Variants in NEDD1 observed in about 807,000 individuals in gnomAD.
NEDD1 encodes the protein NEDD1 gamma-tubulin ring complex targeting factor, also known as protein NEDD1.
A neutral mutation model predicts 74.0 loss-of-function variants in NEDD1; 33 were observed. That is an observed-to-expected ratio of 0.45 (90% CI 0.34 to 0.60). The LOEUF (loss-of-function observed/expected upper bound fraction) is 0.60. Among genes scored for constraint, NEDD1 ranks in the 20% least tolerant of loss-of-function variants. The pLI is 0.01. For synonymous variants in NEDD1, 250 were observed against 264.4 expected (o/e 0.95, Z 0.53); for missense variants, 746 against 776.5 (o/e 0.96, Z 0.47).
At chr12:96,921,003 A>C (rs1025302928) in intron 6 of NEDD1, among the ~76,000 whole-genome samples, 1 of 152,208 alleles carries the variant, frequency 6.6e-6, no homozygotes, top group Non-Finnish European at 1.5e-5. Flanking sequence ...AAACAGTCTT[A>C]TGGTGATTCA....
chr12:96,938,777 A>G (rs1190929072), intron 9 of NEDD1, among the ~76,000 whole-genome samples: 1 of 151,570 alleles, frequency 6.6e-6, no homozygotes, highest in Non-Finnish European at 1.5e-5. Context: ...ATTTTGCCAC[A>G]TTTGCTTCAT....
chr12:96,922,154 T>C (rs1875169951), intron 6 of NEDD1, among the ~76,000 whole-genome samples: 1 of 152,210 alleles, frequency 6.6e-6, no homozygotes, highest in Non-Finnish European at 1.5e-5. Context: ...ACATTAAAAA[T>C]AGCCTTTAGA....
In NEDD1 at chr12:96,932,463, A is replaced by AAAAAAAAT; in HGVS notation, c.490-2512_490-2511insAAAAAATA. ...CTCTTAAAAAAAAAAAAAAAAAAAA[A>AAAAAAAAT]ATATATATATATATATATATATATA... On this transcript the variant is annotated intron_variant, in intron 6 of 15. Transcript: ENST00000266742. Among the ~76,000 whole-genome samples the AAAAAAAAT allele has an allele frequency of 3.0e-3, 28 of 9,432 alleles. 2 individuals are homozygous for AAAAAAAAT. The highest frequency in any genetic ancestry group is 8.8e-3 in the African/African-American group (26 of 2,964). The allele number at this position is 9,432 out of a possible 152,430, so 6.2% of individuals were successfully genotyped here.
At chr12:96,929,989 A>C (rs1214507124) in intron 6 of NEDD1, among the ~76,000 whole-genome samples, 1 of 151,746 alleles carries the variant, frequency 6.6e-6, no homozygotes, top group South Asian at 2.1e-4. Flanking sequence ...TATTCCTTCT[A>C]CTTCCTTCTG....
At chr12:96,930,057 G>A (rs1876211862) in intron 6 of NEDD1, among the ~76,000 whole-genome samples, 1 of 151,996 alleles carries the variant, frequency 6.6e-6, no homozygotes, top group Admixed American at 6.6e-5. Context: ...CTCTCAGCAT[G>A]TGTTTGGGGG....
At chr12:96,920,827 A>G (rs1471336856) in intron 6 of NEDD1, among the ~76,000 whole-genome samples, 2 of 152,148 alleles carry the variant, frequency 1.3e-5, no homozygotes, top group Non-Finnish European at 2.9e-5. Context: ...AATATGGGAG[A>G]TCTTCACTTT....
chr12:96,914,188 G>T (rs1049804270), intron 4 of NEDD1, among the ~76,000 whole-genome samples: 4 of 152,112 alleles, frequency 2.6e-5, no homozygotes, highest in African/African-American at 9.7e-5. Flanking sequence ...ACCATCTTTG[G>T]ATCTTTGTAT....
At chr12:96,950,519 CA>C (rs1166726856) in intron 14 of NEDD1, among the ~76,000 whole-genome samples, 10 of 151,974 alleles carry the variant, frequency 6.6e-5, no homozygotes, top group African/African-American at 2.4e-4. Flanking sequence ...TACACCAGTA[CA>C]AACTAATGAT....
At chr12:96,947,385 G>A (rs534802232) in intron 14 of NEDD1, among the ~76,000 whole-genome samples, 78 of 152,288 alleles carry the variant, frequency 5.1e-4, no homozygotes, top group African/African-American at 1.8e-3. Flanking sequence ...TTATACTGAT[G>A]TGTGTGGGAA....
chr12:96,913,764 T>C (rs562769086), intron 4 of NEDD1, among the ~76,000 whole-genome samples: 14 of 151,894 alleles, frequency 9.2e-5, no homozygotes, highest in African/African-American at 3.1e-4. Context: ...TATTTCTTTT[T>C]TAAATAAGAT....
chr12:96,943,515 A>G, intron 11 of NEDD1, 45 bp from the exon 12 acceptor site: 3 of 1,354,906 alleles, frequency 2.2e-6, no homozygotes, highest in Non-Finnish European at 3.1e-6. Context: ...TCAATGTCCA[A>G]AATTGGAGGA....
chr12:96,915,667 G>GA (rs1263222430), intron 4 of NEDD1, among the ~76,000 whole-genome samples: 1 of 152,038 alleles, frequency 6.6e-6, no homozygotes, highest in Non-Finnish European at 1.5e-5. Flanking sequence ...GGTTACTTAG[G>GA]AAAAAAATGC....
intron 6 of NEDD1, among the ~76,000 whole-genome samples, chr12:96,932,456 AAAAAAAAATATATATAT>A (rs1368412398): frequency 1.7e-5 from 1 of 58,708 alleles, no homozygotes; most frequent in Non-Finnish European, 3.3e-5. Context: ...AAAAAAAAAA[AAAAAAAAATATATATAT>A]ATATATATAT....
Position 96,912,704 on chromosome 12 carries a change from T to G in NEDD1, c.137-19T>G. The G allele has an allele frequency of 2.5e-6, 3 of 1,207,794 alleles. No individual in the cohort carries two copies. Among genetic ancestry groups the G allele is most frequent in the Non-Finnish European group, 3.7e-6 (3 of 812,862 alleles). 74.8% of individuals were successfully genotyped at this position (1,207,794 alleles called of 1,614,324 possible). On this transcript the variant is annotated intron_variant, in intron 3 of 15. Transcript: ENST00000266742. ...TAGATGTTCATGGATTGTTTGATGC[T>G]CCATAACTCCTCATTTAGATAACTT...
intron 1 of NEDD1, 115 bp downstream of exon 1, chr12:96,907,415 T>C (rs1450487793): frequency 1.9e-6 from 1 of 530,556 alleles, no homozygotes; most frequent in Non-Finnish European, 3.3e-6. Context: ...GTCCTTGGGC[T>C]TTGCGCGCCC....
rs1592921329 is a variant in NEDD1, at chr12:96,940,670, G to GAAA, written c.1246+133_1246+134insAAA. On this transcript the variant is annotated intron_variant, in intron 10 of 15. Coordinates refer to ENST00000266742, the MANE Select transcript of NEDD1 (RefSeq NM_152905.4). ...GCTAATTTTCTCCATCCCTGGGGTG[G>GAAA]TATCTTTTTCTTTGCCCTGATATTT... 4.5e-4 allele frequency: 232 copies of GAAA among 512,728 alleles called. 2 individuals are homozygous for GAAA. In the East Asian group the frequency reaches 7.4e-3, roughly 16 times the overall value. 31.8% of individuals were successfully genotyped at this position (512,728 alleles called of 1,614,324 possible).
rs1276297171 is a variant in NEDD1, at chr12:96,907,548, C to G, written c.-261-56C>G. ...TGTGCTGCCTCCGAAAAGTTTGCCTCGTCTCCACAAGTCTGTCTCCTTTTT... is the reference window on the plus strand; with the variant it reads ...TGTGCTGCCTCCGAAAAGTTTGCCTGGTCTCCACAAGTCTGTCTCCTTTTT... On this transcript the variant is annotated intron_variant, in intron 1 of 15. Transcript: ENST00000266742. The G allele has an allele frequency of 5.4e-6, 8 of 1,491,578 alleles. No individual in the cohort carries two copies. The Middle Eastern group carries it at 5.1e-4, about 95-fold the overall frequency. 92.4% of individuals were successfully genotyped at this position (1,491,578 alleles called of 1,614,324 possible).
At chr12:96,932,619 A>C (rs1486346710) in intron 6 of NEDD1, among the ~76,000 whole-genome samples, 1 of 149,222 alleles carries the variant, frequency 6.7e-6, no homozygotes, top group Non-Finnish European at 1.5e-5. Context: ...GATTTAACAG[A>C]TATAGAAAGT....
chr12:96,943,838 T>C, intron 12 of NEDD1, 76 bp downstream of exon 12: 1 of 802,436 alleles, frequency 1.2e-6, no homozygotes, highest in Non-Finnish European at 2.1e-6. Flanking sequence ...AGTGCATGTA[T>C]CCTAATTATT....
Sources: allele counts gnomAD v4.1 joint callset (sites outside exome capture counted in the v4.1 genomes callset), GRCh38; gene constraint gnomAD v4.1.1; transcripts MANE v1.5; gene names NCBI Gene and HGNC (gene_info 2026-07-23, HGNC 2026-07-21).